FRMPD2: variants seen among roughly 807,000 people sequenced by gnomAD.
The protein encoded by FRMPD2 is FERM and PDZ domain containing 2.
FRMPD2 carries 96 observed loss-of-function variants against 140.1 expected under a neutral mutation model. The ratio of observed to expected loss-of-function variants is 0.69; its 90% CI spans 0.58 to 0.81. The LOEUF (loss-of-function observed/expected upper bound fraction) is 0.81. Among genes scored for constraint, FRMPD2 ranks in the 40% least tolerant of loss-of-function variants. The pLI is 0.00. For synonymous variants in FRMPD2, 449 were observed against 547.6 expected, an observed-to-expected ratio of 0.82 and a Z score of 2.52; for missense variants, 1,240 against 1,447.4, an observed-to-expected ratio of 0.86 and a Z score of 2.32.
At chr10:48,241,684 G>A (rs1294438514) in intron 5 of FRMPD2, among the ~76,000 whole-genome samples, 1 of 152,154 alleles carries the variant, frequency 6.6e-6, no homozygotes, top group Admixed American at 6.5e-5. Flanking sequence ...GGAGTGCACA[G>A]GGCAGCAAGC....
At chr10:48,238,249 C>A in intron 7 of FRMPD2, 126 bp from the exon 8 acceptor site, 1 of 954,286 alleles carries the variant, frequency 1.0e-6, no homozygotes, top group South Asian at 1.6e-5. Context: ...CCTTCTCCCC[C>A]ACCTATGGGG....
chr10:48,246,716 T>C (rs544572702), intron 3 of FRMPD2, among the ~76,000 whole-genome samples: 1 of 152,272 alleles, frequency 6.6e-6, no homozygotes, highest in African/African-American at 2.4e-5. Context: ...GGCCCAGGAC[T>C]GGGGGAGGAT....
intron 15 of FRMPD2, among the ~76,000 whole-genome samples, chr10:48,200,763 AT>A (rs976973991): frequency 3.9e-5 from 6 of 152,256 alleles, no homozygotes; most frequent in Non-Finnish European, 7.4e-5. Context: ...CCAAAAACTG[AT>A]TTTACTGTCT....
At position 48,181,331 on chromosome 10, in the gene FRMPD2, G is replaced by A. The variant is rs567170824; in HGVS notation, c.2585-323C>T. 3.3e-5 allele frequency among the ~76,000 whole-genome samples: 5 copies of A among 152,378 alleles called. No homozygotes were observed. The East Asian group carries it at 7.7e-4, about 24-fold the overall frequency. ...CTTAGATATACATATAGGAAGATAT[G>A]GACATCTTCCCATCTTCTCAGCAAA... On this transcript the variant is annotated intron_variant, in intron 20 of 28. Transcript: ENST00000374201.
intron 1 of FRMPD2, among the ~76,000 whole-genome samples, chr10:48,257,323 T>C (rs426153): frequency 2.6e-5 from 4 of 151,832 alleles, no homozygotes; most frequent in Admixed American, 2.6e-4. Context: ...TCTCTCGCCC[T>C]GGCTGGAGTG....
intron 4 of FRMPD2, among the ~76,000 whole-genome samples, chr10:48,243,922 T>A (rs139615601): frequency 1.3e-5 from 2 of 152,348 alleles, no homozygotes; most frequent in African/African-American, 4.8e-5. Context: ...CAGATGGAAA[T>A]GTACACAAAC....
intron 1 of FRMPD2, among the ~76,000 whole-genome samples, chr10:48,270,859 C>T (rs956558895): frequency 1.3e-5 from 2 of 151,996 alleles, no homozygotes; most frequent in African/African-American, 2.4e-5. Flanking sequence ...CTCTAAAATC[C>T]GCCTGTTTCT....
intron 2 of FRMPD2, among the ~76,000 whole-genome samples, chr10:48,249,894 C>T (rs1269474928): frequency 1.4e-5 from 2 of 144,460 alleles, no homozygotes; most frequent in Non-Finnish European, 2.9e-5. Flanking sequence ...GCACAGTGTG[C>T]AGCTTTCTCA....
chr10:48,206,436 C>G (rs17697300), intron 14 of FRMPD2, among the ~76,000 whole-genome samples: 24,124 of 152,162 alleles, frequency 0.16, 2,367 homozygotes, highest in Non-Finnish European at 0.22. Flanking sequence ...TTAATGGAGT[C>G]TCCAAATTAA....
intron 13 of FRMPD2, among the ~76,000 whole-genome samples, chr10:48,209,965 A>C (rs1316773851): frequency 6.6e-6 from 1 of 152,234 alleles, no homozygotes; most frequent in African/African-American, 2.4e-5. Context: ...ATATACATAC[A>C]TAAAAGTGCA....
In FRMPD2 at chr10:48,232,320, C is replaced by A. The variant is rs1254057338; in HGVS notation, c.994-31G>T. The A allele has an allele frequency of 3.3e-6, 5 of 1,527,732 alleles. No homozygotes were observed. In the East Asian group the frequency reaches 9.1e-5, roughly 28 times the overall value. The allele number at this position is 1,527,732 out of a possible 1,614,324, so 94.6% of individuals were successfully genotyped here. ...AACAACAACAGTATCAATTATACTA[C>A]AATTATAAGTCATTGAGCCTTTAGT... On this transcript the variant is annotated intron_variant, in intron 9 of 28. Coordinates refer to ENST00000374201, the MANE Select transcript of FRMPD2 (RefSeq NM_001018071.4).
intron 14 of FRMPD2, among the ~76,000 whole-genome samples, chr10:48,202,203 A>G (rs1360153675): frequency 1.3e-5 from 2 of 152,176 alleles, no homozygotes; most frequent in Admixed American, 6.5e-5. Context: ...AAAACTTCCA[A>G]ATAAAATCTT....
chr10:48,190,929 C>T (rs941879444), intron 16 of FRMPD2, among the ~76,000 whole-genome samples: 3 of 152,132 alleles, frequency 2.0e-5, no homozygotes, highest in Non-Finnish European at 2.9e-5. Flanking sequence ...GCTTCTTCTG[C>T]CTTTTAAACA....
In FRMPD2 at chr10:48,193,002, T is replaced by C. The variant is rs534609778; in HGVS notation, c.1955-108A>G. 5 of 800,752 alleles carry C rather than the reference T, an allele frequency of 6.2e-6. No homozygotes were observed. In the African/African-American group the frequency reaches 6.8e-5, roughly 11 times the overall value. 49.6% of individuals were successfully genotyped at this position (800,752 alleles called of 1,614,324 possible). ...CTGGGCCCCCGCTCTCCTCCTCCTT[T>C]CTTTTTCTGCTGCTATTTTGTCTCC... is the stretch of plus-strand genomic sequence containing the variant. On this transcript the variant is annotated intron_variant, in intron 15 of 28. Coordinates refer to ENST00000374201, the MANE Select transcript of FRMPD2 (RefSeq NM_001018071.4).
chr10:48,176,588 T>G (rs1174143888), intron 22 of FRMPD2, among the ~76,000 whole-genome samples: 24 of 151,946 alleles, frequency 1.6e-4, no homozygotes, highest in African/African-American at 5.5e-4. Flanking sequence ...TCAAGAATTA[T>G]TTTTGAAATT....
At chr10:48,161,816 G>A (rs868934840) in intron 28 of FRMPD2, among the ~76,000 whole-genome samples, 8 of 151,434 alleles carry the variant, frequency 5.3e-5, no homozygotes, top group Non-Finnish European at 1.0e-4. Flanking sequence ...ATTTTCTGTC[G>A]TTTAATGAAT....
At chr10:48,229,827 C>G (rs552250816) in intron 10 of FRMPD2, among the ~76,000 whole-genome samples, 1 of 152,056 alleles carries the variant, frequency 6.6e-6, no homozygotes, top group Non-Finnish European at 1.5e-5. Flanking sequence ...CTTTTCTAAA[C>G]GCATTTGCAA....
intron 9 of FRMPD2, among the ~76,000 whole-genome samples, chr10:48,235,145 G>C (rs1194871252): frequency 6.6e-6 from 1 of 152,154 alleles, no homozygotes; most frequent in Non-Finnish European, 1.5e-5. Flanking sequence ...GACCCCCAGA[G>C]TGAGCCACCC....
At chr10:48,222,126 G>GTGGATGGATGGATGGATGGA (rs148237970) in intron 12 of FRMPD2, among the ~76,000 whole-genome samples, 187 bp downstream of exon 12, 2 of 144,004 alleles carry the variant, frequency 1.4e-5, no homozygotes, top group Admixed American at 6.9e-5. Flanking sequence ...CAATGAATAG[G>GTGGATGGATGGATGGATGGA]TGGATGGATG....
Sources: allele counts gnomAD v4.1 joint callset (sites outside exome capture counted in the v4.1 genomes callset), GRCh38; gene constraint gnomAD v4.1.1; transcripts MANE v1.5; gene names NCBI Gene and HGNC (gene_info 2026-07-23, HGNC 2026-07-21).